The following CLASP1 variants were observed in gnomAD, a reference collection of about 807,000 sequenced individuals.
CLASP1 encodes cytoplasmic linker associated protein 1, also known as CLIP-associating protein 1.
In CLASP1, 38 loss-of-function variants were observed where a neutral mutation model predicts 192.3. That is an observed-to-expected ratio of 0.20 (90% confidence interval 0.15 to 0.26). The LOEUF (loss-of-function observed/expected upper bound fraction) is 0.26. CLASP1 is among the 10% of genes least tolerant of loss of function. The pLI is 1.00. For synonymous variants in CLASP1, 691 were observed against 712.8 expected (o/e 0.97, Z 0.49); for missense variants, 1,433 against 1,932.5 (o/e 0.74, Z 4.85).
intron 22 of CLASP1, among the ~76,000 whole-genome samples, chr2:121,420,265 T>C (rs865829684): frequency 1.1e-4 from 16 of 152,212 alleles, no homozygotes; most frequent in African/African-American, 3.9e-4. Context: ...GAATTTTCAC[T>C]CAAAGTAGTA....
intron 1 of CLASP1, among the ~76,000 whole-genome samples, chr2:121,617,294 T>C (rs1212939019): frequency 1.3e-5 from 2 of 152,202 alleles, no homozygotes; most frequent in Non-Finnish European, 2.9e-5. Flanking sequence ...ACCTTCCAGT[T>C]GTCTGCTCCC....
intron 32 of CLASP1, among the ~76,000 whole-genome samples, chr2:121,386,368 C>T (rs1280191685): frequency 6.6e-6 from 1 of 152,170 alleles, no homozygotes; most frequent in Non-Finnish European, 1.5e-5. Context: ...GTGCCCCTTG[C>T]TGGTCCAGAC....
At chr2:121,577,867 G>A (rs1052732185) in intron 2 of CLASP1, among the ~76,000 whole-genome samples, 9 of 152,072 alleles carry the variant, frequency 5.9e-5, no homozygotes, top group African/African-American at 2.2e-4. Flanking sequence ...TTGAGTCCAG[G>A]AGTTCAAGAG....
intron 2 of CLASP1, among the ~76,000 whole-genome samples, chr2:121,596,272 A>G (rs1400220654): frequency 6.6e-5 from 10 of 152,224 alleles, no homozygotes; most frequent in African/African-American, 2.4e-4. Context: ...TTTTTAGATT[A>G]AACCATGGAA....
intron 2 of CLASP1, among the ~76,000 whole-genome samples, chr2:121,552,513 TAA>T (rs998208659): frequency 6.6e-6 from 1 of 151,896 alleles, no homozygotes; most frequent in Non-Finnish European, 1.5e-5. Context: ...ACAACCCCAT[TAA>T]AATACAGGCA....
At chr2:121,649,282 AC>A (rs2106405375) in intron 1 of CLASP1, 89 bp downstream of exon 1, 1 of 151,050 alleles carries the variant, frequency 6.6e-6, no homozygotes, top group Admixed American at 6.6e-5. Context: ...CATCGCCCCC[AC>A]CCAGACCCGG....
At chr2:121,369,296 T>A (rs1301501472) in intron 34 of CLASP1, among the ~76,000 whole-genome samples, 3 of 152,140 alleles carry the variant, frequency 2.0e-5, no homozygotes, top group Non-Finnish European at 4.4e-5. Context: ...ATAATTAAGA[T>A]GTAAAAATAA....
intron 2 of CLASP1, among the ~76,000 whole-genome samples, chr2:121,578,455 T>TGCA (rs2060775665): frequency 7.3e-6 from 1 of 136,240 alleles, no homozygotes; most frequent in Non-Finnish European, 1.6e-5. Flanking sequence ...AAGGGCCAGG[T>TGCA]GCAGTGGCTC....
rs756408605 is a variant in CLASP1 at position 121,605,698 on chromosome 2, T to C, written c.195+3A>G. ...CAAAAGTGCCTTCTAAAGCACAGCT[T>C]ACCTTGTAATTGCTAGAGTTCACCC... On this transcript the variant is annotated splice_donor_region_variant and intron_variant, in intron 2 of 39. Coordinates refer to ENST00000263710, the Ensembl canonical transcript of CLASP1. 1 of 1,613,392 alleles carries C rather than the reference T, an allele frequency of 6.2e-7. No individual in the cohort carries two copies. Among genetic ancestry groups the C allele is most frequent in the African/African-American group, 1.3e-5 (1 of 75,070 alleles).
chr2:121,455,655 G>T (rs1156469664), intron 14 of CLASP1, among the ~76,000 whole-genome samples: 1 of 152,170 alleles, frequency 6.6e-6, no homozygotes, highest in Non-Finnish European at 1.5e-5. Context: ...CACTTTGGAG[G>T]TTGAGGCCAG....
rs1032891733 is a variant in CLASP1, at chr2:121,511,601, A to AAG, written c.644+4062_644+4063dup. On this transcript the variant is annotated intron_variant, in intron 7 of 39. Transcript: ENST00000263710. ...GAAACTCCATCTCAAAAAAAAAAAAAAGAGAGAGAGAGAGAGAGCTGAAAT... is the reference window on the plus strand; with the variant it reads ...GAAACTCCATCTCAAAAAAAAAAAAAAGAGAGAGAGAGAGAGAGAGCTGAAAT... Among the ~76,000 whole-genome samples, 309 of 149,706 alleles carry AAG rather than the reference A, an allele frequency of 2.1e-3. 2 individuals carry two copies. The highest frequency in any genetic ancestry group is 0.01 in the South Asian group (49 of 4,744).
rs1051424603 is a variant in CLASP1 at position 121,549,008 on chromosome 2, T to C, written c.196-18683A>G. 5.3e-5 allele frequency among the ~76,000 whole-genome samples: 8 copies of C among 152,298 alleles called. No homozygotes were observed. In the South Asian group the frequency reaches 1.2e-3, roughly 24 times the overall value. ...CAGTGTTAAATATGCAGACCAGCGATACTATAAAGCAGCCACACAAACAAG... is the reference window on the plus strand; with the variant it reads ...CAGTGTTAAATATGCAGACCAGCGACACTATAAAGCAGCCACACAAACAAG... On this transcript the variant is annotated intron_variant, in intron 2 of 39. Transcript: ENST00000263710.
At chr2:121,636,905 T>A (rs1284880019) in intron 1 of CLASP1, among the ~76,000 whole-genome samples, 14 of 152,068 alleles carry the variant, frequency 9.2e-5, no homozygotes, top group Admixed American at 8.5e-4. Context: ...AGTAATTTTT[T>A]AAGAACGATT....
At chr2:121,495,801 A>G (rs2093508573) in intron 8 of CLASP1, among the ~76,000 whole-genome samples, 1 of 152,236 alleles carries the variant, frequency 6.6e-6, no homozygotes, top group African/African-American at 2.4e-5. Context: ...ATATACCCCT[A>G]AAATTGAGCA....
At chr2:121,500,576 T>C (rs893199038) in intron 8 of CLASP1, among the ~76,000 whole-genome samples, 1 of 152,136 alleles carries the variant, frequency 6.6e-6, no homozygotes, top group African/African-American at 2.4e-5. Flanking sequence ...CCATCACTAC[T>C]GCAGTTTCTC....
In CLASP1 at chr2:121,575,712, C is replaced by T. The variant is rs182216687; in HGVS notation, c.195+29989G>A. Among the ~76,000 whole-genome samples, 182 of 152,280 alleles carry T rather than the reference C, an allele frequency of 1.2e-3. 1 individual carries two copies. Among genetic ancestry groups the T allele is most frequent in the Non-Finnish European group, 1.8e-3 (125 of 68,028 alleles). On this transcript the variant is annotated intron_variant, in intron 2 of 39. Transcript: ENST00000263710. ...ACAACTCAATATAAAAACATGAAAA[C>T]GAAAAGTAATTTCCTACTAGGAGAA...
intron 2 of CLASP1, chr2:121,530,643 GA>G (rs1194763934): frequency 1.5e-5 from 8 of 534,036 alleles, no homozygotes; most frequent in Non-Finnish European, 2.7e-5. Flanking sequence ...GCCCCGGCGA[GA>G]AAAGCGTATG....
chr2:121,404,320 G>C, intron 26 of CLASP1, 51 bp downstream of exon 27: 1 of 1,595,132 alleles, frequency 6.3e-7, no homozygotes, highest in Non-Finnish European at 8.5e-7. Flanking sequence ...ATCACACAGA[G>C]CACACAGACA....
intron 2 of CLASP1, among the ~76,000 whole-genome samples, chr2:121,582,908 C>T (rs1223185428): frequency 6.6e-6 from 1 of 151,916 alleles, no homozygotes; most frequent in East Asian, 1.9e-4. Flanking sequence ...GCCTCAGCTT[C>T]CCAAGCAGCT....
Sources: gnomAD v4.1 joint callset for allele counts (sites outside exome capture counted in the v4.1 genomes callset) on GRCh38, gnomAD v4.1.1 for gene constraint, MANE v1.5 for transcripts, NCBI Gene and HGNC (gene_info 2026-07-23, HGNC 2026-07-21) for gene names.